NRXN3: variants seen among roughly 807,000 people sequenced by gnomAD.
The protein encoded by NRXN3 is neurexin III.
In NRXN3, 32 loss-of-function variants were observed where a neutral mutation model predicts 137.6. The ratio of observed to expected loss-of-function variants is 0.23; its 90% CI spans 0.18 to 0.31. NRXN3 has a LOEUF of 0.31. Among genes scored for constraint, NRXN3 ranks in the 10% least tolerant of loss-of-function variants. The pLI is 1.00. For missense variants in NRXN3, 1,574 were observed against 2,062.5 expected, an observed-to-expected ratio of 0.76 and a Z score of 4.59; for synonymous variants, 798 against 784.5, an observed-to-expected ratio of 1.02 and a Z score of -0.29.
intron 15 of NRXN3, among the ~76,000 whole-genome samples, chr14:79,123,260 C>A (rs1382858116): frequency 6.6e-6 from 1 of 151,924 alleles, no homozygotes; most frequent in Non-Finnish European, 1.5e-5. Context: ...CACACACACA[C>A]AAGCCTGGGA....
At chr14:78,540,060 G>A (rs2096573917) in intron 4 of NRXN3, among the ~76,000 whole-genome samples, 2 of 152,194 alleles carry the variant, frequency 1.3e-5, no homozygotes, top group Non-Finnish European at 2.9e-5. Flanking sequence ...GCGCGATGTG[G>A]TGCTGAGAAG....
At chr14:79,830,068 T>C (rs2099318260) in intron 20 of NRXN3, among the ~76,000 whole-genome samples, 1 of 152,216 alleles carries the variant, frequency 6.6e-6, no homozygotes, top group Non-Finnish European at 1.5e-5. Context: ...TACAATGGCC[T>C]GGCATGGAAG....
intron 15 of NRXN3, among the ~76,000 whole-genome samples, chr14:79,111,126 G>A (rs1288915180): frequency 6.6e-6 from 1 of 152,102 alleles, no homozygotes; most frequent in East Asian, 1.9e-4. Flanking sequence ...GGGAAATTGA[G>A]AATGGAGAAG....
intron 20 of NRXN3, among the ~76,000 whole-genome samples, chr14:79,833,754 C>CA (rs2099329591): frequency 6.6e-6 from 1 of 152,082 alleles, no homozygotes; most frequent in Non-Finnish European, 1.5e-5. Flanking sequence ...ATCAAAAATT[C>CA]AAAGTTCTTA....
At chr14:78,653,093 A>G (rs1387780964) in intron 6 of NRXN3, among the ~76,000 whole-genome samples, 4 of 152,204 alleles carry the variant, frequency 2.6e-5, no homozygotes, top group Non-Finnish European at 5.9e-5. Flanking sequence ...AGAAAATCCA[A>G]TTGTAGCTTT....
chr14:79,393,478 G>C (rs888520163), intron 15 of NRXN3, among the ~76,000 whole-genome samples: 1 of 152,156 alleles, frequency 6.6e-6, no homozygotes, highest in Non-Finnish European at 1.5e-5. Context: ...TTTTTAAAAA[G>C]CCTGTTACAA....
chr14:78,697,886 A>G (rs960783584), intron 6 of NRXN3: 1 of 151,958 alleles, frequency 6.6e-6, no homozygotes. Context: ...TCTTTTGCTG[A>G]TTGCAGAGGG....
At chr14:79,845,265 G>A (rs997257536) in intron 20 of NRXN3, among the ~76,000 whole-genome samples, 3 of 151,880 alleles carry the variant, frequency 2.0e-5, no homozygotes, top group Admixed American at 6.6e-5. Flanking sequence ...CTTATCATTC[G>A]GGTATTTACT....
intron 10 of NRXN3, among the ~76,000 whole-genome samples, chr14:78,956,487 T>C (rs1267699690): frequency 1.3e-5 from 2 of 152,208 alleles, no homozygotes; most frequent in Non-Finnish European, 2.9e-5. Flanking sequence ...CAACTTGGTT[T>C]ATTCCTCTAT....
At chr14:78,350,141 TAGCTG>T (rs2083286277) in intron 4 of NRXN3, among the ~76,000 whole-genome samples, 2 of 151,938 alleles carry the variant, frequency 1.3e-5, no homozygotes, top group Non-Finnish European at 2.9e-5. Flanking sequence ...TTCAGAAAAT[TAGCTG>T]AGCATGGTGG....
chr14:79,740,681 T>A (rs2098957892), intron 19 of NRXN3, among the ~76,000 whole-genome samples: 1 of 133,402 alleles, frequency 7.5e-6, no homozygotes, highest in Admixed American at 7.8e-5. Flanking sequence ...TATTAACTAC[T>A]GCCTTTCCAC....
chr14:78,971,095 G>T (rs2099437631), intron 14 of NRXN3, among the ~76,000 whole-genome samples: 1 of 152,144 alleles, frequency 6.6e-6, no homozygotes, highest in Non-Finnish European at 1.5e-5. Flanking sequence ...TTGTACCACT[G>T]TGAATAAGCC....
intron 15 of NRXN3, among the ~76,000 whole-genome samples, chr14:79,463,877 A>G (rs1050651444): frequency 6.6e-5 from 10 of 152,178 alleles, no homozygotes; most frequent in Non-Finnish European, 1.5e-4. Flanking sequence ...GGAGGTTCTT[A>G]TAGTTCCCAG....
chr14:78,567,707 GTAAA>G (rs1263710361), intron 4 of NRXN3, among the ~76,000 whole-genome samples: 3 of 151,986 alleles, frequency 2.0e-5, no homozygotes, highest in Admixed American at 6.6e-5. Context: ...AATAATAATA[GTAAA>G]TAAACATTAT....
intron 15 of NRXN3, among the ~76,000 whole-genome samples, chr14:79,053,952 C>G (rs1425671758): frequency 6.6e-6 from 1 of 151,976 alleles, no homozygotes; most frequent in Non-Finnish European, 1.5e-5. Flanking sequence ...AAAGATTCCT[C>G]TTGCAGCTGG....
intron 16 of NRXN3, among the ~76,000 whole-genome samples, chr14:79,652,056 C>T (rs951551443): frequency 1.3e-5 from 2 of 152,124 alleles, no homozygotes; most frequent in African/African-American, 4.8e-5. Context: ...TATAGATGAC[C>T]TCCAGTGGAC....
intron 15 of NRXN3, among the ~76,000 whole-genome samples, chr14:79,463,963 CAAAAT>C (rs1291328084): frequency 6.6e-6 from 1 of 151,972 alleles, no homozygotes; most frequent in Non-Finnish European, 1.5e-5. Context: ...ATATGTAAAA[CAAAAT>C]AATTCTATGT....
At chr14:79,158,513 C>T (rs2060464984) in intron 15 of NRXN3, among the ~76,000 whole-genome samples, 1 of 151,762 alleles carries the variant, frequency 6.6e-6, no homozygotes, top group African/African-American at 2.4e-5. Context: ...ATCAAATGTA[C>T]TTATTTCACC....
At chr14:78,855,601 CA>C (rs1186271237) in intron 10 of NRXN3, among the ~76,000 whole-genome samples, 3 of 151,590 alleles carry the variant, frequency 2.0e-5, no homozygotes, top group Admixed American at 6.6e-5. Context: ...GATTTTAGCA[CA>C]AAAAAAACTA....
Sources: allele counts gnomAD v4.1 joint callset (sites outside exome capture counted in the v4.1 genomes callset), GRCh38; gene constraint gnomAD v4.1.1; transcripts MANE v1.5; gene names NCBI Gene and HGNC (gene_info 2026-07-23, HGNC 2026-07-21).